Variants in ENAH observed in about 807,000 individuals in gnomAD.
ENAH encodes the protein protein enabled homolog.
Under a neutral mutation model 78.7 loss-of-function variants are expected in ENAH, and 23 were observed. That is an observed-to-expected ratio of 0.29 (90% CI 0.21 to 0.41). The LOEUF (loss-of-function observed/expected upper bound fraction) is 0.41. Ranked by LOEUF, ENAH falls within the 10% of genes least tolerant of loss-of-function variation. ENAH has a pLI of 1.00. For synonymous variants in ENAH, 226 were observed against 241.0 expected (o/e 0.94, Z 0.58); for missense variants, 544 against 691.0 (o/e 0.79, Z 2.39).
At position 225,652,731 on chromosome 1, in the gene ENAH, G is replaced by A. The variant is rs1191631059; in HGVS notation, c.-41C>T. On this transcript the variant is annotated 5_prime_UTR_variant, in exon 1 of 14. Transcript: ENST00000366843. ...GAGGCTTCCCCACCAGCCGGGAGAC[G>A]CAGAAGGCGCCGAGCCGAGGGGGGG... The A allele has an allele frequency of 3.8e-6, 5 of 1,315,352 alleles. No homozygotes were observed. Among genetic ancestry groups the A allele is most frequent in the East Asian group, 3.1e-5 (1 of 32,454 alleles). The allele number at this position is 1,315,352 out of a possible 1,614,324, so 81.5% of individuals were successfully genotyped here.
chr1:225,525,639 G>T (rs1437404022), intron 4 of ENAH, among the ~76,000 whole-genome samples: 1 of 152,156 alleles, frequency 6.6e-6, no homozygotes, highest in Admixed American at 6.5e-5. Flanking sequence ...TCCTAAGTTG[G>T]ATTCCTTGTC....
intron 1 of ENAH, among the ~76,000 whole-genome samples, chr1:225,603,380 T>C (rs539224657): frequency 1.3e-5 from 2 of 152,288 alleles, no homozygotes; most frequent in Non-Finnish European, 2.9e-5. Context: ...ACCCCTGAAA[T>C]AAATTGAAAT....
At chr1:225,628,623 C>A (rs1222590635) in intron 1 of ENAH, among the ~76,000 whole-genome samples, 1 of 152,024 alleles carries the variant, frequency 6.6e-6, no homozygotes, top group South Asian at 2.1e-4. Context: ...AAAGATGGTG[C>A]AACTAGGCCG....
chr1:225,515,834 T>TA (rs1410699913), intron 6 of ENAH, among the ~76,000 whole-genome samples: 2 of 152,206 alleles, frequency 1.3e-5, no homozygotes, highest in African/African-American at 4.8e-5. Flanking sequence ...TAGGGGTTGT[T>TA]AAGAGTTCTG....
At chr1:225,637,406 C>T (rs1253096976) in intron 1 of ENAH, among the ~76,000 whole-genome samples, 1 of 152,154 alleles carries the variant, frequency 6.6e-6, no homozygotes, top group Non-Finnish European at 1.5e-5. Context: ...CGGGGTTTCA[C>T]CAGTTAGCCA....
intron 3 of ENAH, among the ~76,000 whole-genome samples, chr1:225,553,060 G>A (rs894572878): frequency 6.6e-6 from 1 of 151,892 alleles, no homozygotes; most frequent in African/African-American, 2.4e-5. Context: ...ATGGTGAAAC[G>A]CCATCTCTAT....
At chr1:225,507,917 A>T in intron 11 of ENAH, 34 bp downstream of exon 11, 1 of 1,442,422 alleles carries the variant, frequency 6.9e-7, no homozygotes. Flanking sequence ...TTTTATACAA[A>T]TAAAATATAA....
At chr1:225,621,347 C>G (rs930213824) in intron 1 of ENAH, among the ~76,000 whole-genome samples, 3 of 150,252 alleles carry the variant, frequency 2.0e-5, no homozygotes, top group African/African-American at 7.3e-5. Context: ...GGCTGGAGTG[C>G]AGTGGCGGGA....
At chr1:225,553,500 G>A (rs2096651643) in intron 3 of ENAH, among the ~76,000 whole-genome samples, 1 of 151,608 alleles carries the variant, frequency 6.6e-6, no homozygotes, top group South Asian at 2.1e-4. Context: ...ACACGGGATA[G>A]TCAAATGTCT....
In ENAH at chr1:225,490,452, A is replaced by T. The variant is rs2096217215; in HGVS notation, c.*7323T>A. The T allele has an allele frequency of 6.6e-6, 1 of 152,244 alleles. No individual in the cohort carries two copies. Among genetic ancestry groups the T allele is most frequent in the African/African-American group, 2.4e-5 (1 of 41,434 alleles). The allele number at this position is 152,244 out of a possible 1,614,324, so 9.4% of individuals were successfully genotyped here. A position where few individuals can be genotyped will look rare whatever the true frequency, so the allele number is the denominator to read the frequency against. Reference sequence around the variant, plus strand: ...GTCGGGCATGGTGGCACGCGCCTGTAGTCCCAGCTACTTGGGAGGCTGAGG... The same window carrying T: ...GTCGGGCATGGTGGCACGCGCCTGTTGTCCCAGCTACTTGGGAGGCTGAGG... On this transcript the variant is annotated 3_prime_UTR_variant, in exon 14 of 14. Coordinates refer to ENST00000366843, the MANE Select transcript of ENAH (RefSeq NM_018212.6).
At chr1:225,541,280 A>T (rs2096587047) in intron 3 of ENAH, among the ~76,000 whole-genome samples, 1 of 56,034 alleles carries the variant, frequency 1.8e-5, no homozygotes, top group Non-Finnish European at 3.4e-5. Flanking sequence ...TAAAAATACA[A>T]AAAATTAGCC....
chr1:225,524,165 C>T (rs2096489171), intron 4 of ENAH, among the ~76,000 whole-genome samples: 2 of 152,126 alleles, frequency 1.3e-5, no homozygotes, highest in African/African-American at 2.4e-5. Flanking sequence ...AAACAGCTAT[C>T]CCCAAATGTA....
At chr1:225,566,135 G>A (rs1369031837) in intron 2 of ENAH, among the ~76,000 whole-genome samples, 4 of 152,018 alleles carry the variant, frequency 2.6e-5, no homozygotes, top group African/African-American at 7.2e-5. Context: ...CTCATTTCTC[G>A]GGGGAGCTTC....
chr1:225,604,265 T>G (rs1022058792), intron 1 of ENAH, among the ~76,000 whole-genome samples: 7 of 152,188 alleles, frequency 4.6e-5, no homozygotes, highest in African/African-American at 1.7e-4. Flanking sequence ...GTCCAGGCTC[T>G]CTCACTATTT....
chr1:225,508,417 C>T (rs1406102053), intron 10 of ENAH: 1 of 152,632 alleles, frequency 6.6e-6, no homozygotes, highest in African/African-American at 2.4e-5. Context: ...TTTTTTAGTG[C>T]CAATGATAAA....
In ENAH at chr1:225,554,910, T is replaced by C. The variant is rs779651623; in HGVS notation, c.345A>G (p.Glu115=). The part of the protein sequence containing the change: ...MHALEVLNSQ[E]TGPTLPRQNS... ...AATAAACCATGGGCACCTTACCTGT[T>C]TCCTGTGAATTTAACACTTCTAAGG... The change falls in exon 3 of 14, where the codon GAA becomes GAG. Residue 115 remains glutamate, a synonymous_variant. Transcript: ENST00000366843. The C allele has an allele frequency of 6.5e-7, 1 of 1,531,246 alleles. No homozygotes were observed. 94.9% of individuals were successfully genotyped at this position (1,531,246 alleles called of 1,614,324 possible). A position where few individuals can be genotyped will look rare whatever the true frequency, so the allele number is the denominator to read the frequency against.
At chr1:225,562,845 T>TC (rs1477393145) in intron 2 of ENAH, among the ~76,000 whole-genome samples, 30 of 151,732 alleles carry the variant, frequency 2.0e-4, no homozygotes, top group Non-Finnish European at 3.4e-4. Context: ...CAGTGGCTCA[T>TC]GCCTATAATC....
At chr1:225,594,416 C>T (rs2096892558) in intron 1 of ENAH, among the ~76,000 whole-genome samples, 1 of 152,182 alleles carries the variant, frequency 6.6e-6, no homozygotes, top group Non-Finnish European at 1.5e-5. Flanking sequence ...TCCTCCATCA[C>T]CTTCTTAATT....
chr1:225,520,487 T>C (rs571268787), intron 4 of ENAH, among the ~76,000 whole-genome samples: 2 of 151,994 alleles, frequency 1.3e-5, no homozygotes, highest in South Asian at 4.2e-4. Flanking sequence ...AAAATACACA[T>C]ATAAACTTTA....
Sources: allele counts gnomAD v4.1 joint callset (sites outside exome capture counted in the v4.1 genomes callset), GRCh38; gene constraint gnomAD v4.1.1; transcripts MANE v1.5; gene names NCBI Gene and HGNC (gene_info 2026-07-23, HGNC 2026-07-21).